Variants in WWOX observed in about 807,000 individuals in gnomAD.
The protein encoded by WWOX is WW domain containing oxidoreductase.
WWOX carries 69 observed loss-of-function variants against 46.2 expected under a neutral mutation model. That is an observed-to-expected ratio of 1.49 (90% CI 1.23 to 1.82). The LOEUF (loss-of-function observed/expected upper bound fraction) is 1.82, where lower values mean the gene tolerates loss of function less well. WWOX is among the 40% of genes most tolerant of loss of function. The probability of loss-of-function intolerance (pLI) is 0.00; values close to 1 mark genes in which losing one functional copy is unlikely to be tolerated. For synonymous variants in WWOX, 359 were observed against 202.6 expected, an observed-to-expected ratio of 1.77 and a Z score of -6.56; for missense variants, 919 against 542.6, an observed-to-expected ratio of 1.69 and a Z score of -6.89.
Position 78,321,262 on chromosome 16 carries a change from G to T in WWOX, c.517-65598G>T, listed in dbSNP as rs367813765. Among the ~76,000 whole-genome samples the T allele has an allele frequency of 2.8e-5, 4 of 142,718 alleles. No individual in the cohort carries two copies. In the East Asian group the frequency reaches 8.5e-4, roughly 30 times the overall value. The allele number at this position is 142,718 out of a possible 152,430, so 93.6% of individuals were successfully genotyped here. ...CTCTTTTGTTTAAGGCAACACGTAG[G>T]TTCTTAGTTTTTTAAATATATATAT... On this transcript the variant is annotated intron_variant, in intron 5 of 8. Coordinates refer to ENST00000566780, the MANE Select transcript of WWOX (RefSeq NM_016373.4).
At chr16:78,521,913 G>A (rs886613992) in intron 8 of WWOX, among the ~76,000 whole-genome samples, 2 of 152,082 alleles carry the variant, frequency 1.3e-5, no homozygotes, top group African/African-American at 4.8e-5. Flanking sequence ...TTACTGGTAT[G>A]TATATATTTT....
At position 78,980,883 on chromosome 16, in the gene WWOX, G is replaced by A. The variant is rs904736657; in HGVS notation, c.1057-230725G>A. ...TAATCCTGTAGGACTGGACTCAGTG[G>A]GTAAATGTAGAGGTGATGGTATCTC... On this transcript the variant is annotated intron_variant, in intron 8 of 8. Coordinates refer to ENST00000566780, the MANE Select transcript of WWOX (RefSeq NM_016373.4). Among the ~76,000 whole-genome samples the A allele has an allele frequency of 1.3e-5, 2 of 152,272 alleles. 1 individual carries two copies. Among genetic ancestry groups the A allele is most frequent in the Middle Eastern group, 6.8e-3 (2 of 294 alleles).
chr16:78,487,804 A>G (rs2084676319), intron 8 of WWOX, among the ~76,000 whole-genome samples: 2 of 152,114 alleles, frequency 1.3e-5, no homozygotes, highest in African/African-American at 4.8e-5. Flanking sequence ...TTACTGCATC[A>G]TTGTTTTTAG....
At chr16:78,448,694 T>C (rs1356764175) in intron 8 of WWOX, among the ~76,000 whole-genome samples, 6 of 152,200 alleles carry the variant, frequency 3.9e-5, no homozygotes, top group Admixed American at 3.9e-4. Context: ...TTGTTGTTGT[T>C]GCTGTTTTAA....
chr16:78,589,485 C>G (rs906736768), intron 8 of WWOX, among the ~76,000 whole-genome samples: 4 of 152,114 alleles, frequency 2.6e-5, no homozygotes, highest in African/African-American at 9.7e-5. Flanking sequence ...CCACTCTTTT[C>G]CTCATCATCT....
rs115006231 is a variant in WWOX, at chr16:79,090,355, C to T, written c.1057-121253C>T. 6.6e-3 allele frequency among the ~76,000 whole-genome samples: 1,002 copies of T among 151,260 alleles called. 6 individuals carry two copies. Among genetic ancestry groups the T allele is most frequent in the African/African-American group, 0.02 (803 of 41,098 alleles). On this transcript the variant is annotated intron_variant, in intron 8 of 8. Transcript: ENST00000566780. Reference sequence around the variant, plus strand: ...TTGCATTGGTGTCTAAAGCCATGCTCAGTATATAGTTATATATTTCATTCA... The same window carrying T: ...TTGCATTGGTGTCTAAAGCCATGCTTAGTATATAGTTATATATTTCATTCA...
At chr16:78,689,045 C>G (rs1163344698) in intron 8 of WWOX, among the ~76,000 whole-genome samples, 1 of 152,188 alleles carries the variant, frequency 6.6e-6, no homozygotes, top group Admixed American at 6.5e-5. Context: ...TCAGTTAAAT[C>G]TCTTTGCTGT....
At chr16:79,122,009 C>T (rs901348536) in intron 8 of WWOX, among the ~76,000 whole-genome samples, 3 of 152,010 alleles carry the variant, frequency 2.0e-5, no homozygotes, top group African/African-American at 4.8e-5. Flanking sequence ...AATAAAATAC[C>T]AAGTTAAGAG....
At chr16:78,189,874 G>A (rs997037787) in intron 5 of WWOX, among the ~76,000 whole-genome samples, 5 of 151,984 alleles carry the variant, frequency 3.3e-5, no homozygotes, top group Admixed American at 1.3e-4. Context: ...AGGTTAGACC[G>A]GAACTCCTGA....
At chr16:78,610,346 A>C (rs1424443084) in intron 8 of WWOX, among the ~76,000 whole-genome samples, 1 of 152,190 alleles carries the variant, frequency 6.6e-6, no homozygotes, top group African/African-American at 2.4e-5. Context: ...ATTCAATTTC[A>C]TTACTATTCA....
chr16:79,069,743 C>G (rs192730401), intron 8 of WWOX, among the ~76,000 whole-genome samples: 16 of 152,136 alleles, frequency 1.1e-4, no homozygotes, highest in Admixed American at 9.8e-4. Flanking sequence ...TGGCCAATGT[C>G]TGTGTTATTA....
At chr16:79,116,847 G>A (rs1322126238) in intron 8 of WWOX, among the ~76,000 whole-genome samples, 1 of 151,910 alleles carries the variant, frequency 6.6e-6, no homozygotes, top group Non-Finnish European at 1.5e-5. Flanking sequence ...AGATCCATCA[G>A]AAGAATACAG....
At chr16:78,505,570 C>G (rs1200776021) in intron 8 of WWOX, among the ~76,000 whole-genome samples, 1 of 152,144 alleles carries the variant, frequency 6.6e-6, no homozygotes, top group Non-Finnish European at 1.5e-5. Flanking sequence ...TGGGCTACAG[C>G]GCCCAGTGCC....
At chr16:79,055,956 T>C (rs187575799) in intron 8 of WWOX, among the ~76,000 whole-genome samples, 4 of 152,322 alleles carry the variant, frequency 2.6e-5, no homozygotes, top group Non-Finnish European at 4.4e-5. Flanking sequence ...ATATTTGAGC[T>C]CCATTTCAGT....
chr16:79,151,178 G>C (rs1026827041), intron 8 of WWOX, among the ~76,000 whole-genome samples: 3 of 152,146 alleles, frequency 2.0e-5, no homozygotes, highest in Admixed American at 6.5e-5. Flanking sequence ...ATAGTTAACT[G>C]TAAAAGTGGC....
At chr16:78,443,772 T>G (rs754423128) in intron 8 of WWOX, among the ~76,000 whole-genome samples, 1 of 152,216 alleles carries the variant, frequency 6.6e-6, no homozygotes, top group Non-Finnish European at 1.5e-5. Flanking sequence ...TTATAACTCT[T>G]TGTAGCTCTT....
intron 8 of WWOX, among the ~76,000 whole-genome samples, chr16:78,527,669 C>T (rs963145424): frequency 1.8e-4 from 28 of 152,096 alleles, no homozygotes; most frequent in Admixed American, 1.7e-3. Context: ...TTACAGCTCA[C>T]TAACCCTGTT....
chr16:78,546,930 C>A (rs141506319), intron 8 of WWOX, among the ~76,000 whole-genome samples: 1 of 151,808 alleles, frequency 6.6e-6, no homozygotes, highest in Non-Finnish European at 1.5e-5. Context: ...GGTTTCAGAT[C>A]AGTCTGGGCA....
At position 78,350,979 on chromosome 16, in the gene WWOX, G is replaced by T. The variant is rs781578366; in HGVS notation, c.517-35881G>T. Among the ~76,000 whole-genome samples the T allele has an allele frequency of 1.1e-4, 6 of 56,124 alleles. 1 individual carries two copies. The highest frequency in any genetic ancestry group is 2.8e-4 in the Non-Finnish European group (5 of 17,552). 36.8% of individuals were successfully genotyped at this position (56,124 alleles called of 152,430 possible). ...GCACTCGCTGTCATTTTTCTTTTTA[G>T]TCTTGTCATTTTATTGGGTATGAAG... On this transcript the variant is annotated intron_variant, in intron 5 of 8. Coordinates refer to ENST00000566780, the MANE Select transcript of WWOX (RefSeq NM_016373.4).
Sources: allele counts gnomAD v4.1 joint callset (sites outside exome capture counted in the v4.1 genomes callset), GRCh38; gene constraint gnomAD v4.1.1; transcripts MANE v1.5; gene names NCBI Gene and HGNC (gene_info 2026-07-23, HGNC 2026-07-21).